The following SORCS3 variants were observed in gnomAD, a reference collection of about 807,000 sequenced individuals.
SORCS3 encodes the protein VPS10 domain-containing receptor SorCS3.
In SORCS3, 57 loss-of-function variants were observed where a neutral mutation model predicts 146.3. The observed-to-expected ratio is 0.39, with a 90% CI of 0.31 to 0.49. The LOEUF is 0.49. Ranked by LOEUF, SORCS3 falls within the 20% of genes least tolerant of loss-of-function variation. SORCS3 has a pLI of 0.92. For synonymous variants in SORCS3, 653 were observed against 618.5 expected (o/e 1.06, Z -0.83); for missense variants, 1,341 against 1,575.5 (o/e 0.85, Z 2.52).
intron 1 of SORCS3, among the ~76,000 whole-genome samples, chr10:104,683,452 C>G (rs760525906): frequency 1.7e-4 from 26 of 152,322 alleles, no homozygotes; most frequent in Non-Finnish European, 1.9e-4. Flanking sequence ...CAGCTAAGAC[C>G]TATCTGGTGA....
At chr10:104,808,628 A>C (rs566335378) in intron 1 of SORCS3, among the ~76,000 whole-genome samples, 23 of 152,358 alleles carry the variant, frequency 1.5e-4, no homozygotes, top group African/African-American at 5.3e-4. Context: ...AGTTGTTTCC[A>C]TGTAAATGAG....
At chr10:104,988,178 TCCTAGG>T (rs1307444412) in intron 4 of SORCS3, among the ~76,000 whole-genome samples, 1 of 152,192 alleles carries the variant, frequency 6.6e-6, no homozygotes, top group African/African-American at 2.4e-5. Flanking sequence ...CTGCTCTCTA[TCCTAGG>T]CCTGGCTGAG....
At chr10:105,113,091 T>C (rs1043829424) in intron 7 of SORCS3, among the ~76,000 whole-genome samples, 3 of 152,186 alleles carry the variant, frequency 2.0e-5, no homozygotes, top group African/African-American at 7.2e-5. Context: ...AACTCTGCTT[T>C]TGTTTGCTCT....
chr10:104,961,114 C>T (rs561774826), intron 3 of SORCS3, among the ~76,000 whole-genome samples: 80 of 152,186 alleles, frequency 5.3e-4, no homozygotes, highest in African/African-American at 1.8e-3. Context: ...ATAGTCATTG[C>T]CTTTGTGATT....
intron 1 of SORCS3, among the ~76,000 whole-genome samples, chr10:104,792,692 G>A (rs924223052): frequency 6.6e-6 from 1 of 152,162 alleles, no homozygotes; most frequent in African/African-American, 2.4e-5. Flanking sequence ...TTCTTTGAAA[G>A]ATTTTTTGAA....
chr10:104,748,175 A>G (rs1459393220), intron 1 of SORCS3, among the ~76,000 whole-genome samples: 1 of 152,178 alleles, frequency 6.6e-6, no homozygotes, highest in African/African-American at 2.4e-5. Context: ...TCTAAAATCC[A>G]TTCTCTTTTT....
chr10:104,850,891 T>C (rs1459270202), intron 2 of SORCS3, among the ~76,000 whole-genome samples: 1 of 152,186 alleles, frequency 6.6e-6, no homozygotes, highest in Admixed American at 6.5e-5. Context: ...ACCACCTTCT[T>C]TCATAAAATC....
At chr10:104,889,977 T>C (rs2018731574) in intron 2 of SORCS3, among the ~76,000 whole-genome samples, 1 of 152,312 alleles carries the variant, frequency 6.6e-6, no homozygotes, top group South Asian at 2.1e-4. Flanking sequence ...TGGCTTATTT[T>C]TCCTTTCAGA....
At position 105,159,188 on chromosome 10, in the gene SORCS3, G is replaced by A. The variant is rs142866709; in HGVS notation, c.1732+194G>A. On this transcript the variant is annotated intron_variant, in intron 11 of 26. Transcript: ENST00000369701. ...GAGCTCCAGACATTTGTAATTCCTA[G>A]GCTCATGCATCTTCCCCCCAGACAC... 2.6e-5 allele frequency among the ~76,000 whole-genome samples: 4 copies of A among 152,072 alleles called. No homozygotes were observed. The East Asian group carries it at 5.8e-4, about 22-fold the overall frequency.
chr10:105,104,529 A>T (rs2055807957), intron 6 of SORCS3, among the ~76,000 whole-genome samples: 2 of 152,126 alleles, frequency 1.3e-5, no homozygotes, highest in Admixed American at 1.3e-4. Context: ...AGCTGTTGAG[A>T]TCTCTAGAAG....
chr10:105,226,718 C>T, intron 20 of SORCS3, among the ~76,000 whole-genome samples: 1 of 151,576 alleles, frequency 6.6e-6, no homozygotes. Flanking sequence ...CTTTTTGTTA[C>T]TAATTAAATC....
intron 3 of SORCS3, among the ~76,000 whole-genome samples, chr10:104,976,624 C>A (rs937209162): frequency 2.0e-5 from 3 of 152,124 alleles, no homozygotes; most frequent in Non-Finnish European, 4.4e-5. Context: ...ATGTTTATTG[C>A]AGCACTATTC....
At chr10:105,172,328 C>T (rs187332743) in intron 13 of SORCS3, among the ~76,000 whole-genome samples, 332 of 152,226 alleles carry the variant, frequency 2.2e-3, no homozygotes, top group African/African-American at 7.6e-3. Context: ...ATTTATCTAG[C>T]GTTAGAATAG....
At chr10:105,207,623 C>G (rs143553541) in intron 16 of SORCS3, among the ~76,000 whole-genome samples, 74 of 152,136 alleles carry the variant, frequency 4.9e-4, no homozygotes, top group African/African-American at 1.5e-3. Context: ...ATGCAGACTT[C>G]GGAGCTGGGA....
intron 3 of SORCS3, among the ~76,000 whole-genome samples, chr10:104,955,124 C>T (rs1230323012): frequency 6.6e-6 from 1 of 152,120 alleles, no homozygotes; most frequent in African/African-American, 2.4e-5. Flanking sequence ...AGTTCCAGAG[C>T]ATTTTATCAC....
At position 105,113,120 on chromosome 10, in the gene SORCS3, T is replaced by C. The variant is rs548443190; in HGVS notation, c.1212+7605T>C. Among the ~76,000 whole-genome samples, 16 of 152,320 alleles carry C rather than the reference T, an allele frequency of 1.1e-4. No homozygotes were observed. The South Asian group carries it at 2.7e-3, about 26-fold the overall frequency. Reference sequence around the variant, plus strand: ...TTGCTCTGTATATTAGGTTTCCTAATACTCCTTCGTTTGACAAAAGGATCC... The same window carrying C: ...TTGCTCTGTATATTAGGTTTCCTAACACTCCTTCGTTTGACAAAAGGATCC... On this transcript the variant is annotated intron_variant, in intron 7 of 26. Coordinates refer to ENST00000369701, the MANE Select transcript of SORCS3 (RefSeq NM_014978.3).
At chr10:105,029,129 C>G (rs2055248671) in intron 4 of SORCS3, among the ~76,000 whole-genome samples, 1 of 152,186 alleles carries the variant, frequency 6.6e-6, no homozygotes, top group South Asian at 2.1e-4. Context: ...AACTTTAAAG[C>G]TACCTCTGGC....
At chr10:104,888,776 A>G (rs1318025595) in intron 2 of SORCS3, among the ~76,000 whole-genome samples, 2 of 152,200 alleles carry the variant, frequency 1.3e-5, no homozygotes, top group Non-Finnish European at 2.9e-5. Flanking sequence ...AGCTGGGAGG[A>G]TCTATGTTAC....
intron 3 of SORCS3, among the ~76,000 whole-genome samples, chr10:104,933,072 C>A (rs578038699): frequency 4.6e-5 from 7 of 152,186 alleles, no homozygotes; most frequent in African/African-American, 1.7e-4. Flanking sequence ...AGGCTACTTT[C>A]CATAAAATAG....
Sources: allele counts gnomAD v4.1 joint callset (sites outside exome capture counted in the v4.1 genomes callset), GRCh38; gene constraint gnomAD v4.1.1; transcripts MANE v1.5; gene names NCBI Gene and HGNC (gene_info 2026-07-23, HGNC 2026-07-21).